The following MAP4K3 variants were observed in gnomAD, a reference collection of about 807,000 sequenced individuals.
The protein encoded by MAP4K3 is mitogen-activated protein kinase kinase kinase kinase 3.
A neutral mutation model predicts 143.5 loss-of-function variants in MAP4K3; 94 were observed. That is an observed-to-expected ratio of 0.65 (90% CI 0.55 to 0.78). The LOEUF is 0.78. Among genes scored for constraint, MAP4K3 ranks in the 30% least tolerant of loss-of-function variants. MAP4K3 has a pLI of 0.00. For missense variants in MAP4K3, 1,077 were observed against 1,068.1 expected, an observed-to-expected ratio of 1.01 and a Z score of -0.12; for synonymous variants, 416 against 347.2, an observed-to-expected ratio of 1.20 and a Z score of -2.20.
At chr2:39,355,583 C>T (rs1665589463) in intron 3 of MAP4K3, among the ~76,000 whole-genome samples, 1 of 151,962 alleles carries the variant, frequency 6.6e-6, no homozygotes, top group South Asian at 2.1e-4. Flanking sequence ...CTCTAATCTT[C>T]CCTTGGAGGA....
intron 20 of MAP4K3, 99 bp from the exon 21 acceptor site, chr2:39,287,063 G>C (rs3755171): frequency 0.79 from 495,644 of 631,134 alleles, 201,980 homozygotes; most frequent in Non-Finnish European, 0.85. Flanking sequence ...CTCTGACATA[G>C]TGTCATTATT....
intron 13 of MAP4K3, among the ~76,000 whole-genome samples, chr2:39,314,962 T>A (rs1476312211): frequency 1.3e-5 from 2 of 152,172 alleles, no homozygotes; most frequent in East Asian, 3.9e-4. Context: ...TAGTAGAACC[T>A]CAGATCCCAT....
Position 39,309,460 on chromosome 2 carries a change from C to G in MAP4K3, c.1056+1G>C. On this transcript the variant is annotated splice_donor_variant, in intron 14 of 33. Transcript: ENST00000263881. LOFTEE classifies it high-confidence loss of function. ...TAACATTCTAAGGCTATACTACTTA[C>G]AAGTTCATGATGTGGTTCTGTCTCC... The G allele has an allele frequency of 1.3e-6, 2 of 1,578,248 alleles. No homozygotes were observed. Among genetic ancestry groups the G allele is most frequent in the African/African-American group, 1.4e-5 (1 of 72,624 alleles).
chr2:39,433,928 A>T (rs528080706), intron 1 of MAP4K3, among the ~76,000 whole-genome samples: 1 of 152,368 alleles, frequency 6.6e-6, no homozygotes, highest in Non-Finnish European at 1.5e-5. Flanking sequence ...ATATGATGGT[A>T]ATAATATCTC....
intron 8 of MAP4K3, among the ~76,000 whole-genome samples, 172 bp from the exon 9 acceptor site, chr2:39,326,449 T>A (rs1044211100): frequency 1.3e-5 from 2 of 152,124 alleles, no homozygotes; most frequent in Non-Finnish European, 2.9e-5. Context: ...GATCTTGACA[T>A]CTCATAAGAC....
At chr2:39,406,392 A>G (rs1667093336) in intron 1 of MAP4K3, among the ~76,000 whole-genome samples, 1 of 152,174 alleles carries the variant, frequency 6.6e-6, no homozygotes, top group African/African-American at 2.4e-5. Context: ...GTTATAAAAC[A>G]CCAGCAGATT....
chr2:39,416,004 T>TATATATATATATATATATATATAA (rs1206690314), intron 1 of MAP4K3, among the ~76,000 whole-genome samples: 10 of 76,078 alleles, frequency 1.3e-4, no homozygotes, highest in African/African-American at 2.4e-4. Flanking sequence ...TATATATATA[T>TATATATATATATATATATATATAA]AAAAATAACA....
intron 18 of MAP4K3, among the ~76,000 whole-genome samples, chr2:39,290,835 C>G (rs1200019055): frequency 6.6e-6 from 1 of 152,050 alleles, no homozygotes; most frequent in Non-Finnish European, 1.5e-5. Context: ...CTTTGGGAGG[C>G]CGAGGTGGGC....
At chr2:39,339,735 T>C (rs933506729) in intron 4 of MAP4K3, among the ~76,000 whole-genome samples, 2 of 152,144 alleles carry the variant, frequency 1.3e-5, no homozygotes, top group Admixed American at 1.3e-4. Context: ...TTTGTCACCA[T>C]AGGCCTCCTT....
At position 39,315,333 on chromosome 2, in the gene MAP4K3, T is replaced by C. The variant is rs1167612727; in HGVS notation, c.974A>G (p.Glu325Gly). The C allele has an allele frequency of 3.1e-6, 5 of 1,611,808 alleles. No homozygotes were observed. Among genetic ancestry groups the C allele is most frequent in the African/African-American group, 1.3e-5 (1 of 74,898 alleles). ...IHSTSRNVRE[E>G]KTRSEITFGQ... ...ACAGGTTATCTCTGAGCGTGTTTTTTCTTCTCTCACGTTTCTACTTGTTGA... is the reference window on the plus strand; with the variant it reads ...ACAGGTTATCTCTGAGCGTGTTTTTCCTTCTCTCACGTTTCTACTTGTTGA... The change falls in exon 13 of 34, where the codon GAA (glutamate) becomes GGA (glycine). Residue 325 changes from glutamate (E) to glycine (G), a missense_variant. Physicochemically the swap from Glu to Gly is moderately conservative, Grantham distance 98 (BLOSUM62 -2). This residue lies in a region of MAP4K3 where 864 missense variants were observed against 801.2 expected (regional missense o/e 1.08). Coordinates refer to ENST00000263881, the MANE Select transcript of MAP4K3 (RefSeq NM_003618.4).
intron 6 of MAP4K3, among the ~76,000 whole-genome samples, chr2:39,334,142 C>T (rs1254313755): frequency 6.6e-6 from 1 of 152,106 alleles, no homozygotes; most frequent in Non-Finnish European, 1.5e-5. Flanking sequence ...AGTACATAAA[C>T]AACTAGCCAC....
At chr2:39,345,350 G>A (rs1037645883) in intron 3 of MAP4K3, among the ~76,000 whole-genome samples, 2 of 152,108 alleles carry the variant, frequency 1.3e-5, no homozygotes, top group African/African-American at 2.4e-5. Context: ...CCAGGAGTTC[G>A]AAGTTATAGT....
intron 16 of MAP4K3, among the ~76,000 whole-genome samples, chr2:39,297,112 GTTTTC>G (rs2148485415): frequency 6.6e-6 from 1 of 151,014 alleles, no homozygotes; most frequent in South Asian, 2.1e-4. Context: ...ATAATTTAAT[GTTTTC>G]TTTTCTTTTT....
chr2:39,297,057 G>T (rs988872651), intron 16 of MAP4K3, among the ~76,000 whole-genome samples: 2 of 151,920 alleles, frequency 1.3e-5, no homozygotes, highest in African/African-American at 4.8e-5. Flanking sequence ...TATTAGAAGA[G>T]AATTTACCTT....
chr2:39,436,784 T>C, intron 1 of MAP4K3, 108 bp downstream of exon 1: 2 of 913,578 alleles, frequency 2.2e-6, no homozygotes, highest in Non-Finnish European at 3.4e-6. Context: ...CCCCGACTGC[T>C]CCCTGGCGCC....
At chr2:39,378,236 C>A (rs1000462591) in intron 1 of MAP4K3, 113 bp from the exon 2 acceptor site, 1 of 598,560 alleles carries the variant, frequency 1.7e-6, no homozygotes, top group Non-Finnish European at 2.9e-6. Flanking sequence ...AAAAGAAATG[C>A]AAATGTAATT....
chr2:39,284,797 T>A (rs990285578), intron 21 of MAP4K3, among the ~76,000 whole-genome samples: 1 of 151,484 alleles, frequency 6.6e-6, no homozygotes, highest in Non-Finnish European at 1.5e-5. Flanking sequence ...TGAGCCAAAA[T>A]TGCGCCACTG....
chr2:39,292,869 C>T, intron 17 of MAP4K3, 43 bp from the exon 18 acceptor site: 1 of 1,521,232 alleles, frequency 6.6e-7, no homozygotes. Context: ...ATGGATTTTA[C>T]CAAAACAGTA....
At chr2:39,434,826 T>C (rs181180257) in intron 1 of MAP4K3, among the ~76,000 whole-genome samples, 5 of 152,360 alleles carry the variant, frequency 3.3e-5, no homozygotes, top group Admixed American at 2.6e-4. Context: ...AATCTTATAG[T>C]GCCTGGCAAG....
Sources: allele counts gnomAD v4.1 joint callset (sites outside exome capture counted in the v4.1 genomes callset), GRCh38; gene constraint gnomAD v4.1.1; regional missense constraint gnomAD v4.1.1; transcripts MANE v1.5; gene names NCBI Gene and HGNC (gene_info 2026-07-23, HGNC 2026-07-21).